AKAP9: variants seen among roughly 807,000 people sequenced by gnomAD.
AKAP9 encodes A-kinase anchoring protein 9, also known as A-kinase anchor protein 9.
Under a neutral mutation model 488.5 loss-of-function variants are expected in AKAP9, and 311 were observed. That is an observed-to-expected ratio of 0.64 (90% CI 0.58 to 0.70). AKAP9 has a LOEUF of 0.70. Ranked by LOEUF, AKAP9 falls within the 30% of genes least tolerant of loss-of-function variation. The pLI is 0.00. For missense variants in AKAP9, 4,215 were observed against 4,374.5 expected, an observed-to-expected ratio of 0.96 and a Z score of 1.03; for synonymous variants, 1,462 against 1,483.5, an observed-to-expected ratio of 0.99 and a Z score of 0.33.
chr7:92,028,602 C>T (rs961542027), intron 14 of AKAP9, among the ~76,000 whole-genome samples: 3 of 152,094 alleles, frequency 2.0e-5, no homozygotes, highest in African/African-American at 4.8e-5. Context: ...AAAACCTAAA[C>T]GGCCAATAAC....
chr7:92,102,488 T>TACTACTACTACTACTACTACC, intron 45 of AKAP9, 106 bp from the exon 46 acceptor site: 1 of 540,766 alleles, frequency 1.8e-6, no homozygotes, highest in Non-Finnish European at 3.2e-6. Flanking sequence ...CTACTACTAC[T>TACTACTACTACTACTACTACC]ACCACCACCA....
chr7:91,982,606 G>A (rs1244469064), intron 3 of AKAP9, among the ~76,000 whole-genome samples: 1 of 152,186 alleles, frequency 6.6e-6, no homozygotes, highest in African/African-American at 2.4e-5. Flanking sequence ...GGACATTTGG[G>A]TTGGTTCCAA....
intron 8 of AKAP9, among the ~76,000 whole-genome samples, chr7:92,007,243 T>A (rs1348372796): frequency 6.6e-6 from 1 of 151,698 alleles, no homozygotes. Flanking sequence ...AATTCCCATG[T>A]ATAATTAAAT....
In AKAP9 at chr7:91,980,312, AG is replaced by A; in HGVS notation, c.331del (p.Ala111GlnfsTer8). 1 of 1,585,280 alleles carries A rather than the reference AG, an allele frequency of 6.3e-7. No homozygotes were observed. Among genetic ancestry groups the A allele is most frequent in the Non-Finnish European group, 8.6e-7 (1 of 1,159,388 alleles). ...AGCTGGAAAGTGAAATTTCAACCAC[AG>A]CAGATGACTGCAGTTCAGAGGTAAG... ...VELESEISTTADDCSSEVNGC... is the reference protein window; with the variant it reads ...VELESEISTTXDDCSSEVNGC... On this transcript the variant is annotated frameshift_variant, in exon 3 of 50. Coordinates refer to ENST00000356239, the MANE Select transcript of AKAP9 (RefSeq NM_005751.5). LOFTEE classifies it high-confidence loss of function.
chr7:91,951,340 T>C lies in AKAP9; in HGVS notation c.48+10193T>C, dbSNP rs374075182. On this transcript the variant is annotated intron_variant, in intron 1 of 49. Transcript: ENST00000356239. ...CTCTTTTTTTTCTTTTCTTTCATTT[T>C]TTGAGACAGGATCTCACTCTGTTGC... Among the ~76,000 whole-genome samples the C allele has an allele frequency of 1.2e-3, 178 of 152,222 alleles. 5 individuals carry two copies. In the South Asian group the frequency reaches 0.036, roughly 31 times the overall value.
chr7:92,009,252 AAACT>A (rs1005142581), intron 8 of AKAP9, among the ~76,000 whole-genome samples: 5 of 152,186 alleles, frequency 3.3e-5, no homozygotes, highest in Admixed American at 1.3e-4. Context: ...TCTCTAAAAC[AAACT>A]AACAAAATCA....
intron 1 of AKAP9, among the ~76,000 whole-genome samples, chr7:91,951,774 A>G (rs1010404569): frequency 2.0e-5 from 3 of 152,182 alleles, no homozygotes. Flanking sequence ...ACTCATAACC[A>G]CATCCTACTT....
At chr7:91,946,198 T>C (rs2130445152) in intron 1 of AKAP9, among the ~76,000 whole-genome samples, 1 of 152,330 alleles carries the variant, frequency 6.6e-6, no homozygotes, top group African/African-American at 2.4e-5. Flanking sequence ...AACTGTTCTT[T>C]GCATATTTCA....
chr7:92,088,795 T>C (rs1268920625), intron 37 of AKAP9, among the ~76,000 whole-genome samples: 2 of 152,108 alleles, frequency 1.3e-5, no homozygotes, highest in African/African-American at 4.8e-5. Flanking sequence ...AGAAAACTAA[T>C]GTGAAAACTA....
rs749589836 is a variant in AKAP9, at chr7:92,002,904, A to G, written c.2987A>G (p.Glu996Gly). The change falls in exon 8 of 50, where the codon GAG becomes GGG. Residue 996 changes from glutamate (E) to glycine (G), a missense_variant. Coordinates refer to ENST00000356239, the MANE Select transcript of AKAP9 (RefSeq NM_005751.5). ...EKEQVSLRCRELEIIINHNRA... is the reference protein window; with the variant it reads ...EKEQVSLRCRGLEIIINHNRA... ...GAACAAGTTTCATTGAGATGTAGAG[A>G]GCTAGAAATCATTATTAACCACAAC... 1 of 1,611,894 alleles carries G rather than the reference A, an allele frequency of 6.2e-7. No homozygotes were observed. Among genetic ancestry groups the G allele is most frequent in the Non-Finnish European group, 8.5e-7 (1 of 1,179,142 alleles).
intron 8 of AKAP9, among the ~76,000 whole-genome samples, chr7:92,008,430 G>A (rs746625878): frequency 2.0e-4 from 31 of 152,294 alleles, no homozygotes; most frequent in Non-Finnish European, 4.4e-4. Context: ...GCTCATGCCT[G>A]TAATCCCAGC....
intron 38 of AKAP9, 83 bp from the exon 39 acceptor site, chr7:92,093,014 A>C (rs1272163035): frequency 8.2e-7 from 1 of 1,218,626 alleles, no homozygotes; most frequent in Non-Finnish European, 1.2e-6. Context: ...CCTTAACTAC[A>C]AATCAGTTCT....
chr7:91,995,618 ACT>A lies in AKAP9; in HGVS notation c.751_752del (p.Leu251GlufsTer6). On this transcript the variant is annotated frameshift_variant, in exon 7 of 50. Coordinates refer to ENST00000356239, the MANE Select transcript of AKAP9 (RefSeq NM_005751.5). LOFTEE classifies it high-confidence loss of function. The stretch of plus-strand genomic sequence containing the variant: ...CTATTTTCAGTTACAGGCTAGTGAA[ACT>A]CTGAGAAACAGCACTCATAGTAGCA... ...IQFQQLQASE[T>X]LRNSTHSSTA... The A allele has an allele frequency of 1.2e-6, 2 of 1,614,004 alleles. No individual in the cohort carries two copies. The highest frequency in any genetic ancestry group is 8.5e-7 in the Non-Finnish European group (1 of 1,179,996).
chr7:92,086,727 A>G (rs1375345611), intron 37 of AKAP9, among the ~76,000 whole-genome samples: 1 of 152,330 alleles, frequency 6.6e-6, no homozygotes, highest in Non-Finnish European at 1.5e-5. Flanking sequence ...TTGAGCGGTC[A>G]TTGCTCCTAA....
rs998197269 is a variant in AKAP9 at position 92,081,489 on chromosome 7, A to G, written c.8020-1033A>G. The stretch of plus-strand genomic sequence containing the variant: ...CCGGCTAATTTATATATATATATAT[A>G]TATATATATTTTTTTTTTTTTAGTA... On this transcript the variant is annotated intron_variant, in intron 31 of 49. Transcript: ENST00000356239. Among the ~76,000 whole-genome samples, 215 of 115,420 alleles carry G rather than the reference A, an allele frequency of 1.9e-3. 2 individuals carry two copies. The highest frequency in any genetic ancestry group is 7.5e-3 in the African/African-American group (198 of 26,226). The allele number at this position is 115,420 out of a possible 152,430, so 75.7% of individuals were successfully genotyped here.
chr7:92,049,350 A>G (rs200582476), intron 21 of AKAP9, among the ~76,000 whole-genome samples: 1 of 152,084 alleles, frequency 6.6e-6, no homozygotes, highest in East Asian at 1.9e-4. Flanking sequence ...AGTGGCTCAC[A>G]CCTGTAATCG....
Position 92,096,810 on chromosome 7 carries a change from A to G in AKAP9, c.9851A>G (p.Tyr3284Cys), listed in dbSNP as rs780111217. Residue 3284 changes from tyrosine (Y) to cysteine (C), a missense_variant, in exon 41 of 50, where the codon TAT becomes TGT. Physicochemically the swap from Tyr to Cys is radical, Grantham distance 194. Transcript: ENST00000356239. ...AAAATAGAATCACAGAGAATGCTAT[A>G]TGATGCCCAGTTGTCAGAAGAACAA... ...QQKIESQRMLYDAQLSEEQGR... is the reference protein window; with the variant it reads ...QQKIESQRMLCDAQLSEEQGR... The G allele has an allele frequency of 5.5e-5, 89 of 1,614,134 alleles. No individual in the cohort carries two copies. Among genetic ancestry groups the G allele is most frequent in the Non-Finnish European group, 7.1e-5 (84 of 1,180,042 alleles).
Position 92,001,053 on chromosome 7 carries a change from A to C in AKAP9, c.1136A>C (p.Glu379Ala). 1 of 1,607,942 alleles carries C rather than the reference A, an allele frequency of 6.2e-7. No homozygotes were observed. Among genetic ancestry groups the C allele is most frequent in the South Asian group, 1.1e-5 (1 of 89,868 alleles). The change falls in exon 8 of 50, where the codon GAG becomes GCG. Residue 379 changes from glutamate to alanine, a missense_variant. Physicochemically the swap from Glu to Ala is moderately radical, Grantham distance 107. Around this residue, in one of 5 missense-constraint regions of AKAP9, gnomAD observed 2,361 missense variants for 2,430.0 expected, o/e 0.97. Transcript: ENST00000356239. ...CAAGAAATAAAAAACATGAAATTAG[A>C]GCTGACTAATTCTAAGCAAAAAGAA... ...KNQEIKNMKLELTNSKQKERQ... is the reference protein window; with the variant it reads ...KNQEIKNMKLALTNSKQKERQ...
chr7:92,093,052 T>C (rs1193238857), intron 38 of AKAP9, 45 bp from the exon 39 acceptor site: 1 of 1,500,992 alleles, frequency 6.7e-7, no homozygotes, highest in South Asian at 1.1e-5. Context: ...AAACCAAATA[T>C]GAGTTGCTTG....
Sources: allele counts gnomAD v4.1 joint callset (sites outside exome capture counted in the v4.1 genomes callset), GRCh38; gene constraint gnomAD v4.1.1; regional missense constraint gnomAD v4.1.1; transcripts MANE v1.5; gene names NCBI Gene and HGNC (gene_info 2026-07-23, HGNC 2026-07-21).